RAP1A: variants seen among roughly 807,000 people sequenced by gnomAD.
The protein encoded by RAP1A is ras-related protein Rap-1A.
A neutral mutation model predicts 26.4 loss-of-function variants in RAP1A; 6 were observed. That is an observed-to-expected ratio of 0.23 (90% CI 0.12 to 0.45). RAP1A has a LOEUF of 0.45. RAP1A is among the 20% of genes least tolerant of loss of function. RAP1A has a pLI of 0.99. For missense variants in RAP1A, 121 were observed against 217.2 expected (o/e 0.56, Z 2.78); for synonymous variants, 73 against 79.4 (o/e 0.92, Z 0.43).
intron 1 of RAP1A, among the ~76,000 whole-genome samples, chr1:111,663,201 C>T (rs749406967): frequency 3.9e-5 from 6 of 152,276 alleles, no homozygotes; most frequent in Non-Finnish European, 7.4e-5. Flanking sequence ...CGTGAGCCAC[C>T]GTGCCTGGCC....
chr1:111,562,148 G>A (rs907911831), intron 1 of RAP1A, among the ~76,000 whole-genome samples: 1 of 151,920 alleles, frequency 6.6e-6, no homozygotes, highest in Admixed American at 6.6e-5. Flanking sequence ...TTTTCTTGTG[G>A]GCAACGTGGA....
At chr1:111,646,454 C>A (rs1660070967) in intron 1 of RAP1A, among the ~76,000 whole-genome samples, 1 of 150,892 alleles carries the variant, frequency 6.6e-6, no homozygotes, top group Non-Finnish European at 1.5e-5. Context: ...ACCTCAATTC[C>A]CAAATTATAA....
chr1:111,708,292 T>C (rs1662264440), intron 6 of RAP1A, among the ~76,000 whole-genome samples: 1 of 152,202 alleles, frequency 6.6e-6, no homozygotes. Flanking sequence ...CAAACAAAAA[T>C]CATGCGCCTC....
chr1:111,690,086 G>A (rs1299997521), intron 1 of RAP1A, among the ~76,000 whole-genome samples: 1 of 151,974 alleles, frequency 6.6e-6, no homozygotes, highest in African/African-American at 2.4e-5. Flanking sequence ...TTCTTTTAAA[G>A]AATTTTGGAC....
intron 1 of RAP1A, among the ~76,000 whole-genome samples, chr1:111,549,513 G>A (rs1184615464): frequency 6.6e-6 from 1 of 151,844 alleles, no homozygotes; most frequent in Non-Finnish European, 1.5e-5. Context: ...AACCTGGTGT[G>A]GTGGCATGCG....
rs181048094 is a variant in RAP1A at position 111,580,623 on chromosome 1, C to T, written c.-28+38114C>T. Among the ~76,000 whole-genome samples the T allele has an allele frequency of 4.6e-5, 7 of 152,068 alleles. No individual in the cohort carries two copies. The East Asian group carries it at 5.8e-4, about 13-fold the overall frequency. On this transcript the variant is annotated intron_variant, in intron 1 of 7. Transcript: ENST00000356415. Reference sequence around the variant, plus strand: ...CAGCACTTTGGGAGGCCAAGGCGGGCGGATCACGAGGTCAGGAGTTTGAGA... The same window carrying T: ...CAGCACTTTGGGAGGCCAAGGCGGGTGGATCACGAGGTCAGGAGTTTGAGA...
chr1:111,672,635 CA>C (rs1351253524), intron 1 of RAP1A, among the ~76,000 whole-genome samples: 4 of 152,090 alleles, frequency 2.6e-5, no homozygotes, highest in Admixed American at 2.6e-4. Context: ...TAGGTATCCC[CA>C]AAGAGAAAAA....
chr1:111,581,055 G>T (rs1008330489), intron 1 of RAP1A, among the ~76,000 whole-genome samples: 2 of 151,488 alleles, frequency 1.3e-5, no homozygotes, highest in African/African-American at 4.8e-5. Context: ...GAGGACACAG[G>T]GTTTTGCTAT....
At chr1:111,545,561 C>T (rs74825857) in intron 1 of RAP1A, among the ~76,000 whole-genome samples, 2,727 of 152,164 alleles carry the variant, frequency 0.018, 69 homozygotes, top group African/African-American at 0.062. Flanking sequence ...TATTTTCCCC[C>T]GTTCTCTGGT....
intron 2 of RAP1A, 27 bp downstream of exon 2, chr1:111,691,444 A>G (rs1252114986): frequency 6.3e-7 from 1 of 1,577,296 alleles, no homozygotes; most frequent in Admixed American, 1.7e-5. Context: ...ACTGTAACTG[A>G]TTAATATAAT....
chr1:111,606,886 G>A (rs1658795037), intron 1 of RAP1A, among the ~76,000 whole-genome samples: 1 of 152,146 alleles, frequency 6.6e-6, no homozygotes, highest in African/African-American at 2.4e-5. Context: ...TGTAAAACAG[G>A]TATTGTACAA....
chr1:111,695,333 T>G lies in RAP1A; in HGVS notation c.58-8T>G. On this transcript the variant is annotated splice_region_variant and splice_polypyrimidine_tract_variant and intron_variant, in intron 2 of 7. Coordinates refer to ENST00000369709, the MANE Select transcript of RAP1A (RefSeq NM_002884.4). The stretch of plus-strand genomic sequence containing the variant: ...ATTTTTTAATATTTCTCTTTTTTTT[T>G]CCCCCAGACAGTTCAGTTTGTTCAG... 6.5e-7 allele frequency: 1 copy of G among 1,548,106 alleles called. No individual in the cohort carries two copies. The highest frequency in any genetic ancestry group is 8.7e-7 in the Non-Finnish European group (1 of 1,152,904).
chr1:111,581,993 AG>A (rs1349116608), intron 1 of RAP1A, among the ~76,000 whole-genome samples: 2 of 152,244 alleles, frequency 1.3e-5, no homozygotes, highest in Non-Finnish European at 2.9e-5. Flanking sequence ...AACTTGTCCA[AG>A]GTCACTCATC....
Position 111,715,307 on chromosome 1 carries a change from A to C in RAP1A, c.*2906A>C, listed in dbSNP as rs1662505292. 1 of 149,108 alleles carries C rather than the reference A, an allele frequency of 6.7e-6. No homozygotes were observed. The highest frequency in any genetic ancestry group is 1.5e-5 in the Non-Finnish European group (1 of 67,652). 9.2% of individuals were successfully genotyped at this position (149,108 alleles called of 1,614,324 possible). On this transcript the variant is annotated 3_prime_UTR_variant, in exon 8 of 8. Transcript: ENST00000369709. ...TGGCGAGGCTGGTCTTGAACTCCTGACTTCGTGATCCGCCCCCCCCTCAGC... is the reference window on the plus strand; with the variant it reads ...TGGCGAGGCTGGTCTTGAACTCCTGCCTTCGTGATCCGCCCCCCCCTCAGC...
intron 1 of RAP1A, among the ~76,000 whole-genome samples, chr1:111,633,743 CT>C (rs1260594945): frequency 2.0e-5 from 3 of 152,146 alleles, no homozygotes; most frequent in African/African-American, 7.2e-5. Context: ...AGTGTTACAA[CT>C]TTTACATTGG....
At chr1:111,664,305 C>T (rs966793476) in intron 1 of RAP1A, among the ~76,000 whole-genome samples, 5 of 132,372 alleles carry the variant, frequency 3.8e-5, no homozygotes, top group African/African-American at 5.6e-5. Flanking sequence ...ACCAAGGAGG[C>T]GGAGGTTGTA....
chr1:111,607,704 C>T lies in RAP1A; in HGVS notation c.-28+65195C>T, dbSNP rs548331046. Among the ~76,000 whole-genome samples, 346 of 139,116 alleles carry T rather than the reference C, an allele frequency of 2.5e-3. 2 individuals carry two copies. The highest frequency in any genetic ancestry group is 8.1e-3 in the African/African-American group (307 of 37,798). The allele number at this position is 139,116 out of a possible 152,430, so 91.3% of individuals were successfully genotyped here. The stretch of plus-strand genomic sequence containing the variant: ...CCGGGCGGCGGGCTGACCCCCCCAC[C>T]TCCCTCCCGGACGGGGCGGCTGGCC... On this transcript the variant is annotated intron_variant, in intron 1 of 7. Transcript: ENST00000356415.
Position 111,711,117 on chromosome 1 carries a change from G to A in RAP1A, c.*30-1314G>A, listed in dbSNP as rs148415968. Reference sequence around the variant, plus strand: ...CTCCCAAAGTGCTGGGATTACAGGCGTGAGCCACCGCGCCTGGCCTTGATT... The same window carrying A: ...CTCCCAAAGTGCTGGGATTACAGGCATGAGCCACCGCGCCTGGCCTTGATT... On this transcript the variant is annotated intron_variant, in intron 7 of 7. Transcript: ENST00000369709. 4.5e-3 allele frequency among the ~76,000 whole-genome samples: 678 copies of A among 152,310 alleles called. 4 individuals carry two copies. Among genetic ancestry groups the A allele is most frequent in the African/African-American group, 0.014 (577 of 41,566 alleles).
intron 1 of RAP1A, among the ~76,000 whole-genome samples, chr1:111,544,542 C>A (rs1400754216): frequency 6.6e-6 from 1 of 152,096 alleles, no homozygotes; most frequent in Non-Finnish European, 1.5e-5. Context: ...ATCAGTATAT[C>A]AGTCATTTTT....
Sources: gnomAD v4.1 joint callset for allele counts (sites outside exome capture counted in the v4.1 genomes callset) on GRCh38, gnomAD v4.1.1 for gene constraint, MANE v1.5 for transcripts, NCBI Gene and HGNC (gene_info 2026-07-23, HGNC 2026-07-21) for gene names.